The following PABIR3 variants were observed in gnomAD, a reference collection of about 807,000 sequenced individuals.
PABIR3 encodes PABIR family member 3.
In PABIR3, 20 loss-of-function variants were observed where a neutral mutation model predicts 23.1. That is an observed-to-expected ratio of 0.86 (90% CI 0.61 to 1.26). The LOEUF (loss-of-function observed/expected upper bound fraction) is 1.26, where lower values mean the gene tolerates loss of function less well. Ranked by LOEUF, PABIR3 falls within the 50% of genes most tolerant of loss-of-function variation. PABIR3 has a pLI of 0.00. For missense variants in PABIR3, 189 were observed against 195.4 expected (o/e 0.97, Z 0.20); for synonymous variants, 69 against 68.5 (o/e 1.01, Z -0.04).
chrX:134,824,862 G>A (rs2081438938), intron 3 of PABIR3, among the ~76,000 whole-genome samples: 1 of 112,025 alleles, frequency 8.9e-6, no homozygotes, highest in Admixed American at 9.5e-5. Flanking sequence ...AGAGCATAGG[G>A]GAATTTTAGG....
rs1431722711 is a variant in PABIR3 at position 134,854,828 on chromosome X, GAA to G, written c.*614_*615del. Reference sequence around the variant, plus strand: ...CAAATTAAAGTTAATTGAATAGAAAGAAAATAATATGTAATTGAGGCTTCACT... The same window carrying G: ...CAAATTAAAGTTAATTGAATAGAAAGAATAATATGTAATTGAGGCTTCACT... On this transcript the variant is annotated 3_prime_UTR_variant, in exon 11 of 11. Coordinates refer to ENST00000645433, the MANE Select transcript of PABIR3 (RefSeq NM_001388447.1). 2.7e-5 allele frequency: 3 copies of G among 112,149 alleles called. No homozygotes were observed. The highest frequency in any genetic ancestry group is 9.7e-5 in the African/African-American group (3 of 30,933). The allele number at this position is 112,149 out of a possible 1,213,427, so 9.2% of individuals were successfully genotyped here. A position where few individuals can be genotyped will look rare whatever the true frequency, so the allele number is the denominator to read the frequency against.
the PABIR3 span, among the ~76,000 whole-genome samples, chrX:134,862,430 G>A: frequency 1.8e-5 from 2 of 111,689 alleles, no homozygotes; most frequent in South Asian, 3.7e-4. Context: ...GATTACAGGC[G>A]TGAGCCACCA....
rs1366560758 is a variant in PABIR3, at chrX:134,842,294, G to A, written c.247-2911G>A. On this transcript the variant is annotated intron_variant, in intron 4 of 10. Coordinates refer to ENST00000645433, the MANE Select transcript of PABIR3 (RefSeq NM_001388447.1). ...CAGTTGTCTTTTCACTCTCTTGATA[G>A]TGTCATTTGATGCACAAAAGTTTTT... Among the ~76,000 whole-genome samples the A allele has an allele frequency of 2.7e-5, 3 of 112,040 alleles. No individual in the cohort carries two copies. In the Admixed American group the frequency reaches 2.9e-4, roughly 11 times the overall value.
In PABIR3 at chrX:134,854,375, A is replaced by G. The variant is rs2082731882; in HGVS notation, c.*158A>G. 1.8e-6 allele frequency: 1 copy of G among 546,117 alleles called. No homozygotes were observed. The highest frequency in any genetic ancestry group is 2.4e-5 in the African/African-American group (1 of 41,651). 45.0% of individuals were successfully genotyped at this position (546,117 alleles called of 1,213,427 possible). A position where few individuals can be genotyped will look rare whatever the true frequency, so the allele number is the denominator to read the frequency against. On this transcript the variant is annotated 3_prime_UTR_variant, in exon 11 of 11. Transcript: ENST00000645433. ...TTTTTCCTCAATTTCCTAAAATTCT[A>G]TTTATCTACAGAACTTGCGTGTATA...
At chrX:134,830,973 A>G (rs1302975483) in intron 4 of PABIR3, among the ~76,000 whole-genome samples, 1 of 111,878 alleles carries the variant, frequency 8.9e-6, no homozygotes, top group African/African-American at 3.2e-5. Flanking sequence ...GAAAAACATT[A>G]ATTTTCAATC....
chrX:134,807,173 G>A, upstream of PABIR3: 4 of 789,434 alleles, frequency 5.1e-6, no homozygotes, highest in Non-Finnish European at 4.5e-6. Flanking sequence ...CCGGCTGATA[G>A]CTTATCGCAG....
At chrX:134,863,174 G>A in the PABIR3 span, among the ~76,000 whole-genome samples, 1,394 of 111,175 alleles carry the variant, frequency 0.013, 21 homozygotes, top group African/African-American at 0.044. Flanking sequence ...AAGTAATTTC[G>A]GAATACTTCC....
chrX:134,832,214 G>A (rs1220745863), intron 4 of PABIR3, among the ~76,000 whole-genome samples: 1 of 108,342 alleles, frequency 9.2e-6, no homozygotes, highest in East Asian at 3.0e-4. Context: ...GGCGGAGGTT[G>A]CAGTGAGCCG....
At chrX:134,821,340 C>A (rs905865133) in intron 3 of PABIR3, 24 of 1,148,271 alleles carry the variant, frequency 2.1e-5, no homozygotes, top group Non-Finnish European at 2.8e-5. Flanking sequence ...ATTACTTCAC[C>A]CACTTCTGTT....
At chrX:134,827,116 A>G (rs1469237541) in intron 3 of PABIR3, among the ~76,000 whole-genome samples, 1 of 110,950 alleles carries the variant, frequency 9.0e-6, no homozygotes. Flanking sequence ...ACCCGCCACC[A>G]TGCCTGGCTA....
chrX:134,845,565 T>G (rs1306632363), intron 6 of PABIR3, among the ~76,000 whole-genome samples, 164 bp downstream of exon 6: 1 of 111,864 alleles, frequency 8.9e-6, no homozygotes, highest in Non-Finnish European at 1.9e-5. Context: ...TTTAATTTTT[T>G]TTTTTGAGAC....
At position 134,807,534 on chromosome X, in the gene PABIR3, A is replaced by G; in HGVS notation, c.-59-6A>G. 7.5e-6 allele frequency: 9 copies of G among 1,201,505 alleles called. No homozygotes were observed. Among genetic ancestry groups the G allele is most frequent in the Non-Finnish European group, 1.0e-5 (9 of 889,260 alleles). On this transcript the variant is annotated splice_region_variant and splice_polypyrimidine_tract_variant and intron_variant, in intron 1 of 10. Transcript: ENST00000645433. ...TCTCTCCTTACATCACCTGCCCACT[A>G]AGTAGACTTGTCCTTGTGTGGACGG...
chrX:134,814,873 T>TC (rs750365143), intron 3 of PABIR3, 24 bp downstream of exon 3: 21 of 1,094,179 alleles, frequency 1.9e-5, no homozygotes, highest in Middle Eastern at 2.5e-4. Flanking sequence ...TATAGTGGCC[T>TC]CCCTGTCTAA....
chrX:134,806,104 A>T (rs771439464), upstream of PABIR3, among the ~76,000 whole-genome samples: 26 of 111,846 alleles, frequency 2.3e-4, no homozygotes, highest in Admixed American at 3.8e-4. Flanking sequence ...TTTCTAAAAG[A>T]GTAGTTCTTA....
chrX:134,820,620 CT>C (rs1323532180), intron 3 of PABIR3, among the ~76,000 whole-genome samples: 1 of 111,567 alleles, frequency 9.0e-6, no homozygotes, highest in Non-Finnish European at 1.9e-5. Flanking sequence ...GGGAATGTAC[CT>C]AACACTGCTG....
chrX:134,840,898 C>T (rs2082208527), intron 4 of PABIR3, among the ~76,000 whole-genome samples: 1 of 109,025 alleles, frequency 9.2e-6, no homozygotes, highest in South Asian at 4.0e-4. Flanking sequence ...ATACCCTTCC[C>T]TCTACTCACT....
Position 134,847,247 on chromosome X carries a change from G to A in PABIR3, c.346-136G>A. On this transcript the variant is annotated intron_variant, in intron 6 of 10. Coordinates refer to ENST00000645433, the MANE Select transcript of PABIR3 (RefSeq NM_001388447.1). ...ATTTTGGGTTCCCTGATTGCTTTAGGATGGCGAGAGCTCTTCACCATGGTG... is the reference window on the plus strand; with the variant it reads ...ATTTTGGGTTCCCTGATTGCTTTAGAATGGCGAGAGCTCTTCACCATGGTG... 3 of 419,901 alleles carry A rather than the reference G, an allele frequency of 7.1e-6. No individual in the cohort carries two copies. The South Asian group carries it at 1.3e-4, about 19-fold the overall frequency. The allele number at this position is 419,901 out of a possible 1,213,427, so 34.6% of individuals were successfully genotyped here. A position where few individuals can be genotyped will look rare whatever the true frequency, so the allele number is the denominator to read the frequency against.
intron 1 of PABIR3, among the ~76,000 whole-genome samples, chrX:134,798,951 G>C (rs2079986304): frequency 1.8e-5 from 2 of 112,266 alleles, no homozygotes; most frequent in African/African-American, 6.5e-5. Flanking sequence ...ACAACCATTT[G>C]CAGTGTGACT....
At chrX:134,820,528 G>A (rs1463724279) in intron 3 of PABIR3, among the ~76,000 whole-genome samples, 1 of 110,794 alleles carries the variant, frequency 9.0e-6, no homozygotes, top group Non-Finnish European at 1.9e-5. Context: ...TGTTTAAAGG[G>A]TACAGTTTTG....
Sources: gnomAD v4.1 joint callset for allele counts (sites outside exome capture counted in the v4.1 genomes callset) on GRCh38, gnomAD v4.1.1 for gene constraint, MANE v1.5 for transcripts, NCBI Gene and HGNC (gene_info 2026-07-23, HGNC 2026-07-21) for gene names.